Variants in DISC1 observed in about 807,000 individuals in gnomAD.
DISC1 encodes the protein DISC1 scaffold protein, also known as disrupted in schizophrenia 1 protein.
DISC1 carries 57 observed loss-of-function variants against 84.5 expected under a neutral mutation model. The observed-to-expected ratio is 0.67, with a 90% CI of 0.55 to 0.84. The LOEUF is 0.84. Ranked by LOEUF, DISC1 falls within the 40% of genes least tolerant of loss-of-function variation. The pLI, the probability that DISC1 is intolerant of heterozygous loss-of-function variation, is 0.00. For synonymous variants in DISC1, 411 were observed against 415.2 expected, an observed-to-expected ratio of 0.99 and a Z score of 0.12; for missense variants, 1,000 against 1,057.8, an observed-to-expected ratio of 0.95 and a Z score of 0.76.
chr1:231,860,987 T>C (rs2084604005), intron 9 of DISC1, among the ~76,000 whole-genome samples: 1 of 152,228 alleles, frequency 6.6e-6, no homozygotes. Flanking sequence ...ATCAATTTTT[T>C]TCCGCAAGGG....
At chr1:231,759,568 C>T (rs1162955318) in intron 4 of DISC1, among the ~76,000 whole-genome samples, 6 of 141,134 alleles carry the variant, frequency 4.3e-5, no homozygotes, top group Non-Finnish European at 6.1e-5. Flanking sequence ...TAGCCAAATG[C>T]GGTGGTGCGT....
intron 1 of DISC1, among the ~76,000 whole-genome samples, chr1:231,642,006 G>C (rs974434246): frequency 9.2e-5 from 14 of 152,340 alleles, no homozygotes; most frequent in Non-Finnish European, 1.6e-4. Flanking sequence ...AGGGGGCGGC[G>C]CTTGTCGGGG....
chr1:232,016,366 AGGGCCT>A (rs1668490333), intron 11 of DISC1, among the ~76,000 whole-genome samples: 1 of 152,204 alleles, frequency 6.6e-6, no homozygotes, highest in Admixed American at 6.5e-5. Flanking sequence ...CTTATACAAA[AGGGCCT>A]TAGGGTTGGA....
chr1:231,878,554 G>C (rs1309310924), intron 9 of DISC1, among the ~76,000 whole-genome samples: 1 of 152,170 alleles, frequency 6.6e-6, no homozygotes, highest in African/African-American at 2.4e-5. Flanking sequence ...GACTAAGCAG[G>C]TTCTTGAAGC....
At chr1:231,939,062 T>G (rs2091148613) in intron 9 of DISC1, among the ~76,000 whole-genome samples, 1 of 152,228 alleles carries the variant, frequency 6.6e-6, no homozygotes, top group Non-Finnish European at 1.5e-5. Flanking sequence ...CACGTAATCG[T>G]CCTTTATGCT....
intron 10 of DISC1, among the ~76,000 whole-genome samples, chr1:231,996,113 G>A (rs1665915602): frequency 6.6e-6 from 1 of 152,184 alleles, no homozygotes; most frequent in Non-Finnish European, 1.5e-5. Flanking sequence ...GTTTTTTCAT[G>A]TGTCTTTTGG....
At chr1:231,796,134 A>G (rs575500069) in intron 7 of DISC1, among the ~76,000 whole-genome samples, 2 of 152,296 alleles carry the variant, frequency 1.3e-5, no homozygotes, top group South Asian at 2.1e-4. Flanking sequence ...AGCACAGTCA[A>G]TTAAATAGTC....
chr1:231,834,882 G>T (rs2082517322), intron 9 of DISC1, among the ~76,000 whole-genome samples: 1 of 152,212 alleles, frequency 6.6e-6, no homozygotes, highest in South Asian at 2.1e-4. Context: ...ATCCCCGTGT[G>T]ATTAAACACC....
chr1:231,968,743 T>C (rs1218557382), intron 10 of DISC1, among the ~76,000 whole-genome samples: 3 of 152,090 alleles, frequency 2.0e-5, no homozygotes, highest in African/African-American at 4.8e-5. Flanking sequence ...GGAAGCTTCA[T>C]CTAGGGAGGG....
chr1:232,007,556 C>A (rs181983349), intron 10 of DISC1, among the ~76,000 whole-genome samples: 76 of 152,304 alleles, frequency 5.0e-4, no homozygotes, highest in African/African-American at 1.8e-3. Flanking sequence ...TGGGATGGAG[C>A]ATTTATCCAA....
intron 9 of DISC1, among the ~76,000 whole-genome samples, chr1:231,836,648 G>C (rs1347127994): frequency 1.3e-5 from 2 of 152,146 alleles, no homozygotes; most frequent in Admixed American, 6.5e-5. Flanking sequence ...GCTTTTGGCT[G>C]CTCCCATTGG....
intron 10 of DISC1, among the ~76,000 whole-genome samples, chr1:231,986,154 G>A (rs575919222): frequency 2.3e-4 from 35 of 152,258 alleles, no homozygotes; most frequent in African/African-American, 7.2e-4. Context: ...ACCCTGCCAC[G>A]CACAGAGAGG....
intron 1 of DISC1, among the ~76,000 whole-genome samples, chr1:231,672,854 C>G (rs1406988082): frequency 6.6e-6 from 1 of 152,174 alleles, no homozygotes; most frequent in South Asian, 2.1e-4. Context: ...ACTCCCTGAC[C>G]TGGGGGTTTG....
chr1:231,800,238 G>A (rs1159915039), intron 8 of DISC1, 28 bp downstream of exon 8: 5 of 1,538,306 alleles, frequency 3.3e-6, no homozygotes, highest in Non-Finnish European at 4.5e-6. Context: ...AGACGTTGAA[G>A]CTATCCAACT....
chr1:231,741,862 C>A (rs2073324120), intron 3 of DISC1, among the ~76,000 whole-genome samples: 1 of 152,224 alleles, frequency 6.6e-6, no homozygotes, highest in Non-Finnish European at 1.5e-5. Flanking sequence ...CTTTTCACCA[C>A]CTGCGCTTTC....
chr1:231,676,028 T>C (rs1299064441), intron 1 of DISC1, among the ~76,000 whole-genome samples: 2 of 152,192 alleles, frequency 1.3e-5, no homozygotes, highest in Non-Finnish European at 2.9e-5. Context: ...TTTGTATTTT[T>C]AGTAGAGACA....
chr1:231,978,137 G>A (rs917382600), intron 10 of DISC1, among the ~76,000 whole-genome samples: 3 of 151,936 alleles, frequency 2.0e-5, no homozygotes, highest in African/African-American at 7.3e-5. Flanking sequence ...CATATTTATG[G>A]CCGAGAATTT....
chr1:231,680,023 T>A (rs2063533170), intron 1 of DISC1, among the ~76,000 whole-genome samples: 1 of 151,790 alleles, frequency 6.6e-6, no homozygotes, highest in Non-Finnish European at 1.5e-5. Context: ...AGGTCAGGAG[T>A]TTGAGACCAG....
At chr1:231,924,951 C>T (rs796167216) in intron 9 of DISC1, among the ~76,000 whole-genome samples, 24 of 134,104 alleles carry the variant, frequency 1.8e-4, no homozygotes, top group African/African-American at 3.5e-4. Context: ...TCACTGCGCC[C>T]GGCCTTTTTT....
Sources: gnomAD v4.1 joint callset for allele counts (sites outside exome capture counted in the v4.1 genomes callset) on GRCh38, gnomAD v4.1.1 for gene constraint, MANE v1.5 for transcripts, NCBI Gene and HGNC (gene_info 2026-07-23, HGNC 2026-07-21) for gene names.